Variants in CDKAL1 observed in about 807,000 individuals in gnomAD.
CDKAL1 encodes CDKAL1 threonylcarbamoyladenosine tRNA methylthiotransferase.
Under a neutral mutation model 68.2 loss-of-function variants are expected in CDKAL1, and 32 were observed. The ratio of observed to expected loss-of-function variants is 0.47; its 90% CI spans 0.35 to 0.63. The LOEUF is 0.63. Among genes scored for constraint, CDKAL1 ranks in the 30% least tolerant of loss-of-function variants. CDKAL1 has a pLI of 0.00. For synonymous variants in CDKAL1, 234 were observed against 244.3 expected (o/e 0.96, Z 0.39); for missense variants, 606 against 696.7 (o/e 0.87, Z 1.47).
intron 9 of CDKAL1, among the ~76,000 whole-genome samples, chr6:20,948,991 T>G (rs1180907239): frequency 6.6e-6 from 1 of 152,238 alleles, no homozygotes. Context: ...AAATAAGTTG[T>G]TTTTGTTTAG....
At chr6:21,041,132 G>A (rs913777329) in intron 11 of CDKAL1, among the ~76,000 whole-genome samples, 2 of 152,082 alleles carry the variant, frequency 1.3e-5, no homozygotes, top group Non-Finnish European at 2.9e-5. Context: ...GTGTTCTCAC[G>A]TCTGCAATCA....
intron 4 of CDKAL1, among the ~76,000 whole-genome samples, chr6:20,645,031 G>A (rs2127755331): frequency 6.6e-6 from 1 of 152,210 alleles, no homozygotes; most frequent in South Asian, 2.1e-4. Context: ...GAATACCGTA[G>A]GCACTGCAGA....
chr6:20,580,332 T>G (rs1765090723), intron 4 of CDKAL1, among the ~76,000 whole-genome samples: 1 of 152,150 alleles, frequency 6.6e-6, no homozygotes, highest in African/African-American at 2.4e-5. Flanking sequence ...ATAAAAATAA[T>G]GTGTGTAGGC....
rs113597790 is a variant in CDKAL1, at chr6:20,961,358, A to G, written c.909+5773A>G. On this transcript the variant is annotated intron_variant, in intron 10 of 15. Transcript: ENST00000274695. Reference sequence around the variant, plus strand: ...GCAGGAATAGAAAACCGAATACCACATGTTCTCACTTATAAGTGGGAGCTA... The same window carrying G: ...GCAGGAATAGAAAACCGAATACCACGTGTTCTCACTTATAAGTGGGAGCTA... 1.7e-3 allele frequency among the ~76,000 whole-genome samples: 260 copies of G among 152,318 alleles called. 2 individuals carry two copies. Among genetic ancestry groups the G allele is most frequent in the African/African-American group, 5.8e-3 (240 of 41,578 alleles).
At chr6:20,832,237 T>C (rs1777748079) in intron 8 of CDKAL1, among the ~76,000 whole-genome samples, 1 of 152,216 alleles carries the variant, frequency 6.6e-6, no homozygotes. Flanking sequence ...TAAAATGATT[T>C]ATAACATAAC....
intron 9 of CDKAL1, among the ~76,000 whole-genome samples, chr6:20,877,555 T>TCAC (rs1239221779): frequency 6.6e-6 from 1 of 152,234 alleles, no homozygotes; most frequent in Non-Finnish European, 1.5e-5. Flanking sequence ...TACTAGTGAC[T>TCAC]CACTGTGTAT....
At chr6:20,779,488 C>G (rs979597253) in intron 7 of CDKAL1, among the ~76,000 whole-genome samples, 1 of 152,176 alleles carries the variant, frequency 6.6e-6, no homozygotes, top group East Asian at 1.9e-4. Context: ...ACATCACCCC[C>G]CAAATTCTTA....
At chr6:20,912,188 G>T (rs1394867620) in intron 9 of CDKAL1, among the ~76,000 whole-genome samples, 3 of 152,014 alleles carry the variant, frequency 2.0e-5, no homozygotes, top group Non-Finnish European at 4.4e-5. Flanking sequence ...TTTCAAATTC[G>T]TAAAAATTTC....
chr6:20,606,071 A>G (rs1766321233), intron 4 of CDKAL1, among the ~76,000 whole-genome samples: 1 of 151,858 alleles, frequency 6.6e-6, no homozygotes, highest in Non-Finnish European at 1.5e-5. Flanking sequence ...GGCCCACTTC[A>G]TTTGTTTTCC....
intron 6 of CDKAL1, among the ~76,000 whole-genome samples, chr6:20,747,975 T>C (rs1214694886): frequency 6.6e-6 from 1 of 152,230 alleles, no homozygotes; most frequent in Admixed American, 6.5e-5. Flanking sequence ...AATTTCACAG[T>C]GTCAGGTCTT....
rs114004522 is a variant in CDKAL1, at chr6:21,060,868, C to T, written c.1056-4180C>T. On this transcript the variant is annotated intron_variant, in intron 11 of 15. Transcript: ENST00000274695. ...TAATTTTGGTAGGTCTAGTCCTTTG[C>T]TGATCATTTTTCTCTTTGTCTTTTG... is the stretch of plus-strand genomic sequence containing the variant. Among the ~76,000 whole-genome samples the T allele has an allele frequency of 4.6e-3, 697 of 152,114 alleles. 6 individuals carry two copies. Among genetic ancestry groups the T allele is most frequent in the African/African-American group, 0.014 (583 of 41,540 alleles).
rs190894176 is a variant in CDKAL1, at chr6:20,782,775, A to G, written c.638+1510A>G. On this transcript the variant is annotated intron_variant, in intron 8 of 15. Transcript: ENST00000274695. ...ATTATACACAGTAGGGATTTAATGC[A>G]TATTTATTTATTGACTGAATGAATG... Among the ~76,000 whole-genome samples, 107 of 152,264 alleles carry G rather than the reference A, an allele frequency of 7.0e-4. 2 individuals carry two copies. Among genetic ancestry groups the G allele is most frequent in the Admixed American group, 5.8e-3 (89 of 15,286 alleles).
intron 9 of CDKAL1, among the ~76,000 whole-genome samples, chr6:20,875,883 G>GA (rs969038218): frequency 7.2e-5 from 11 of 151,834 alleles, no homozygotes; most frequent in Non-Finnish European, 1.6e-4. Context: ...ATAAGAAATT[G>GA]AAAAAAAGGC....
intron 4 of CDKAL1, among the ~76,000 whole-genome samples, chr6:20,618,288 A>G (rs1340825141): frequency 6.6e-6 from 1 of 151,938 alleles, no homozygotes; most frequent in African/African-American, 2.4e-5. Flanking sequence ...AATTTGTTTA[A>G]ATTCTTTGTA....
intron 4 of CDKAL1, among the ~76,000 whole-genome samples, chr6:20,625,290 C>G (rs1434577584): frequency 6.6e-6 from 1 of 152,038 alleles, no homozygotes; most frequent in Non-Finnish European, 1.5e-5. Context: ...TACCTGGGTG[C>G]TCTTATCTAT....
intron 2 of CDKAL1, among the ~76,000 whole-genome samples, chr6:20,536,648 G>A (rs6910725): frequency 0.067 from 10,239 of 152,108 alleles, 477 homozygotes; most frequent in African/African-American, 0.13. Context: ...AATATTGCTA[G>A]GTTTTACTCA....
chr6:20,851,864 A>G (rs1002606974), intron 9 of CDKAL1, among the ~76,000 whole-genome samples: 7 of 151,946 alleles, frequency 4.6e-5, no homozygotes, highest in African/African-American at 1.7e-4. Flanking sequence ...TCTATTGTAT[A>G]AGCTTAAAAG....
intron 4 of CDKAL1, among the ~76,000 whole-genome samples, chr6:20,617,966 A>G (rs7739405): frequency 0.16 from 23,891 of 152,134 alleles, 2,809 homozygotes; most frequent in African/African-American, 0.33. Flanking sequence ...CAATATCTCC[A>G]GTTCTAGATC....
In CDKAL1 at chr6:21,207,984, C is replaced by T. The variant is rs138721376; in HGVS notation, c.1548+6710C>T. 9.1e-3 allele frequency among the ~76,000 whole-genome samples: 1,379 copies of T among 151,760 alleles called. 15 individuals are homozygous for T. Among genetic ancestry groups the T allele is most frequent in the African/African-American group, 0.03 (1,233 of 41,350 alleles). ...ACTACTACAGCGTTGGCCATTCTTA[C>T]GGACAGACATTTCTTCCTCTTACTC... On this transcript the variant is annotated intron_variant, in intron 15 of 15. Coordinates refer to ENST00000274695, the MANE Select transcript of CDKAL1 (RefSeq NM_017774.3).
Sources: gnomAD v4.1 joint callset for allele counts (sites outside exome capture counted in the v4.1 genomes callset) on GRCh38, gnomAD v4.1.1 for gene constraint, MANE v1.5 for transcripts, NCBI Gene and HGNC (gene_info 2026-07-23, HGNC 2026-07-21) for gene names.